Variants in UGDH observed in about 807,000 individuals in gnomAD.
UGDH encodes the protein UDP-glucose 6-dehydrogenase, also known as UDP-Glc dehydrogenase.
A neutral mutation model predicts 50.6 loss-of-function variants in UGDH; 38 were observed. That is an observed-to-expected ratio of 0.75 (90% confidence interval 0.58 to 0.98). The LOEUF is 0.98. Ranked by LOEUF, UGDH falls within the 50% of genes least tolerant of loss-of-function variation. The pLI is 0.00. For missense variants in UGDH, 465 were observed against 606.2 expected, an observed-to-expected ratio of 0.77 and a Z score of 2.45; for synonymous variants, 168 against 199.9, an observed-to-expected ratio of 0.84 and a Z score of 1.35.
intron 10 of UGDH, 126 bp downstream of exon 10, chr4:39,504,291 G>A: frequency 1.2e-6 from 1 of 809,978 alleles, no homozygotes; most frequent in South Asian, 1.8e-5. Flanking sequence ...CAGGGCGACA[G>A]AGCGAGACTC....
rs948466547 is a variant in UGDH at position 39,510,462 on chromosome 4, G to A, written c.554C>T (p.Thr185Ile). The change falls in exon 5 of 12, where the codon ACT becomes ATT. Residue 185 changes from threonine to isoleucine, a missense_variant. Transcript: ENST00000316423. ...CTGCACAGCTCTCTGGCCCTCTGGA[G>A]TTTCATCCCCTCCAATCAGTACTCT... is the stretch of plus-strand genomic sequence containing the variant. ...PDRVLIGGDE[T>I]PEGQRAVQAL... 6.2e-7 allele frequency: 1 copy of A among 1,614,046 alleles called. No individual in the cohort carries two copies. The highest frequency in any genetic ancestry group is 1.3e-5 in the African/African-American group (1 of 74,920).
At chr4:39,511,499 G>A (rs900568524) in intron 3 of UGDH, among the ~76,000 whole-genome samples, 1 of 152,010 alleles carries the variant, frequency 6.6e-6, no homozygotes, top group Non-Finnish European at 1.5e-5. Context: ...CTGACCTCAG[G>A]TGATCTGTCC....
rs1249773445 is a variant in UGDH at position 39,527,385 on chromosome 4, C to A, written c.-110G>T. 7.7e-6 allele frequency: 2 copies of A among 260,530 alleles called. No individual in the cohort carries two copies. Among genetic ancestry groups the A allele is most frequent in the Non-Finnish European group, 1.6e-5 (2 of 128,588 alleles). The allele number at this position is 260,530 out of a possible 1,614,324, so 16.1% of individuals were successfully genotyped here. On this transcript the variant is annotated 5_prime_UTR_variant, in exon 1 of 12. Coordinates refer to ENST00000316423, the MANE Select transcript of UGDH (RefSeq NM_003359.4). ...GCAGCTTCTCCACCCGCGCCCCGCTCGATCTGAGCTCCCTCTCGGCGCACG... is the reference window on the plus strand; with the variant it reads ...GCAGCTTCTCCACCCGCGCCCCGCTAGATCTGAGCTCCCTCTCGGCGCACG...
At position 39,525,512 on chromosome 4, in the gene UGDH, C is replaced by CTTTT. The variant is rs559859570; in HGVS notation, c.-8+1767_-8+1770dup. Among the ~76,000 whole-genome samples the CTTTT allele has an allele frequency of 1.1e-4, 15 of 142,414 alleles. No homozygotes were observed. In the East Asian group the frequency reaches 2.4e-3, roughly 22 times the overall value. 93.4% of individuals were successfully genotyped at this position (142,414 alleles called of 152,430 possible). On this transcript the variant is annotated intron_variant, in intron 1 of 11. Coordinates refer to ENST00000316423, the MANE Select transcript of UGDH (RefSeq NM_003359.4). ...CCCAGCCCCATTTTCTTTTCTTTTT[C>CTTTT]TTTTTTTTTTTTGAGACGTAGTCTC...
At chr4:39,525,403 A>C (rs1746835309) in intron 1 of UGDH, among the ~76,000 whole-genome samples, 1 of 152,082 alleles carries the variant, frequency 6.6e-6, no homozygotes, top group Non-Finnish European at 1.5e-5. Flanking sequence ...CATATTGGTC[A>C]GGCTGGTCTC....
At chr4:39,503,828 C>T (rs112734561) in intron 11 of UGDH, 47 bp downstream of exon 11, 4 of 1,561,356 alleles carry the variant, frequency 2.6e-6, no homozygotes, top group African/African-American at 2.7e-5. Context: ...GAATCAAACA[C>T]TAAAGACCAA....
chr4:39,511,364 G>A (rs926382962), intron 3 of UGDH, among the ~76,000 whole-genome samples: 5 of 151,324 alleles, frequency 3.3e-5, no homozygotes, highest in African/African-American at 1.2e-4. Context: ...AGGTTCAAGC[G>A]ATTCTCCTGC....
At chr4:39,519,835 G>A (rs1390235080) in intron 2 of UGDH, among the ~76,000 whole-genome samples, 3 of 151,968 alleles carry the variant, frequency 2.0e-5, no homozygotes, top group East Asian at 3.9e-4. Flanking sequence ...CCACCGTGCC[G>A]CCAATATTTC....
intron 7 of UGDH, among the ~76,000 whole-genome samples, chr4:39,507,652 G>A (rs1746079460): frequency 6.6e-6 from 1 of 152,112 alleles, no homozygotes; most frequent in African/African-American, 2.4e-5. Context: ...TGCCTTTCAA[G>A]ATAGAGAAGA....
chr4:39,524,878 T>C (rs1170067732), intron 1 of UGDH, among the ~76,000 whole-genome samples: 1 of 152,246 alleles, frequency 6.6e-6, no homozygotes, highest in South Asian at 2.1e-4. Context: ...TCTGCCTTGA[T>C]TGTGAGACCA....
intron 3 of UGDH, among the ~76,000 whole-genome samples, chr4:39,513,315 G>T (rs558343415): frequency 6.6e-6 from 1 of 151,980 alleles, no homozygotes; most frequent in Admixed American, 6.6e-5. Flanking sequence ...CACATTATGA[G>T]GTAAAGGTGT....
At chr4:39,520,689 TTATTAA>T (rs550073688) in intron 2 of UGDH, among the ~76,000 whole-genome samples, 288 of 151,760 alleles carry the variant, frequency 1.9e-3, no homozygotes, top group African/African-American at 6.6e-3. Context: ...TATATTAATA[TTATTAA>T]AAGTTGTATT....
intron 9 of UGDH, among the ~76,000 whole-genome samples, chr4:39,504,739 G>A (rs1468412004): frequency 6.6e-6 from 1 of 152,126 alleles, no homozygotes; most frequent in Non-Finnish European, 1.5e-5. Context: ...GCTGGACAAA[G>A]GAATGATAAA....
At chr4:39,519,268 C>A (rs536794228) in intron 2 of UGDH, among the ~76,000 whole-genome samples, 313 of 151,252 alleles carry the variant, frequency 2.1e-3, no homozygotes, top group Non-Finnish European at 3.5e-3. Flanking sequence ...GTTGCCCAGG[C>A]TGGACTTGAA....
chr4:39,509,581 CTT>C lies in UGDH; in HGVS notation c.811+177_811+178del, dbSNP rs377571623. Reference sequence around the variant, plus strand: ...AACATCTAGTCACTCAGCTGCATGACTTTGAGCAAGTTGCACAAATTTCCCTG... The same window carrying C: ...AACATCTAGTCACTCAGCTGCATGACTGAGCAAGTTGCACAAATTTCCCTG... On this transcript the variant is annotated intron_variant, in intron 6 of 11. Coordinates refer to ENST00000316423, the MANE Select transcript of UGDH (RefSeq NM_003359.4). 1.5e-4 allele frequency among the ~76,000 whole-genome samples: 23 copies of C among 152,318 alleles called. No homozygotes were observed. In the South Asian group the frequency reaches 4.8e-3, roughly 32 times the overall value.
chr4:39,526,335 A>G (rs2109953946), intron 1 of UGDH: 1 of 152,362 alleles, frequency 6.6e-6, no homozygotes, highest in Non-Finnish European at 1.5e-5. Flanking sequence ...GGAGTACAGC[A>G]ACGGGAGAAG....
intron 4 of UGDH, 38 bp downstream of exon 4, chr4:39,510,623 A>G (rs761587308): frequency 1.2e-6 from 2 of 1,614,176 alleles, no homozygotes; most frequent in East Asian, 2.2e-5. Flanking sequence ...CAGTATTTAC[A>G]TAAGAATAAC....
intron 2 of UGDH, among the ~76,000 whole-genome samples, chr4:39,516,655 G>A (rs1166623964): frequency 6.6e-6 from 1 of 152,152 alleles, no homozygotes; most frequent in Non-Finnish European, 1.5e-5. Context: ...CAATGGTTCC[G>A]AGGTCTCTTA....
At chr4:39,504,294 C>T (rs185945250) in intron 10 of UGDH, 123 bp downstream of exon 10, 114 of 827,138 alleles carry the variant, frequency 1.4e-4, no homozygotes, top group African/African-American at 1.2e-3. Flanking sequence ...GGCGACAGAG[C>T]GAGACTCCAT....
Sources: allele counts gnomAD v4.1 joint callset (sites outside exome capture counted in the v4.1 genomes callset), GRCh38; gene constraint gnomAD v4.1.1; transcripts MANE v1.5; gene names NCBI Gene and HGNC (gene_info 2026-07-23, HGNC 2026-07-21).